KCNQ3: variants seen among roughly 807,000 people sequenced by gnomAD.
KCNQ3 encodes the protein potassium voltage-gated channel subfamily Q member 3.
In KCNQ3, 30 loss-of-function variants were observed where a neutral mutation model predicts 92.5. That is an observed-to-expected ratio of 0.32 (90% CI 0.24 to 0.44). The LOEUF is 0.44. Among genes scored for constraint, KCNQ3 ranks in the 20% least tolerant of loss-of-function variants. The pLI is 1.00. For missense variants in KCNQ3, 913 were observed against 1,140.3 expected, an observed-to-expected ratio of 0.80 and a Z score of 2.87; for synonymous variants, 450 against 468.8, an observed-to-expected ratio of 0.96 and a Z score of 0.52.
intron 8 of KCNQ3, among the ~76,000 whole-genome samples, chr8:132,167,672 A>G (rs1826180314): frequency 6.6e-6 from 1 of 152,216 alleles, no homozygotes; most frequent in African/African-American, 2.4e-5. Context: ...TCGTCCTTGA[A>G]AAAAGAAAGA....
intron 1 of KCNQ3, among the ~76,000 whole-genome samples, chr8:132,423,833 T>G (rs1325377212): frequency 6.6e-6 from 1 of 152,100 alleles, no homozygotes; most frequent in Middle Eastern, 3.2e-3. Context: ...CCATACAGTA[T>G]GGAGACCCCA....
intron 1 of KCNQ3, among the ~76,000 whole-genome samples, chr8:132,471,918 A>G (rs894238517): frequency 1.1e-4 from 17 of 152,322 alleles, no homozygotes; most frequent in African/African-American, 3.8e-4. Flanking sequence ...AGCAGTTAAA[A>G]AACAAATAAT....
At chr8:132,377,380 C>T (rs749270144) in intron 1 of KCNQ3, among the ~76,000 whole-genome samples, 2 of 152,160 alleles carry the variant, frequency 1.3e-5, no homozygotes, top group Non-Finnish European at 2.9e-5. Context: ...TGAGCCAATC[C>T]CTCATAATAA....
chr8:132,419,601 G>T (rs1026057207), intron 1 of KCNQ3, among the ~76,000 whole-genome samples: 2 of 152,158 alleles, frequency 1.3e-5, no homozygotes, highest in African/African-American at 2.4e-5. Context: ...CACTGAAGCT[G>T]CCTGTGCCCT....
At chr8:132,221,797 C>G (rs1416297603) in intron 1 of KCNQ3, among the ~76,000 whole-genome samples, 1 of 152,058 alleles carries the variant, frequency 6.6e-6, no homozygotes, top group African/African-American at 2.4e-5. Flanking sequence ...ACAAACCTGA[C>G]AAAAACAAGA....
intron 1 of KCNQ3, among the ~76,000 whole-genome samples, chr8:132,406,536 C>T (rs1175113530): frequency 8.9e-6 from 1 of 112,946 alleles, no homozygotes; most frequent in Admixed American, 7.9e-5. Context: ...CACACACAGA[C>T]ACACACACAG....
chr8:132,144,087 A>T (rs1037801600), intron 9 of KCNQ3, among the ~76,000 whole-genome samples: 2 of 152,156 alleles, frequency 1.3e-5, no homozygotes, highest in Non-Finnish European at 1.5e-5. Flanking sequence ...CTGTGCTGGG[A>T]TTTAGGATTT....
chr8:132,443,286 G>A (rs1821586378), intron 1 of KCNQ3, among the ~76,000 whole-genome samples: 1 of 151,944 alleles, frequency 6.6e-6, no homozygotes, highest in Non-Finnish European at 1.5e-5. Flanking sequence ...TAGAGCCGGT[G>A]GCCCAGGAGT....
At chr8:132,207,921 TAAAAAAAAAA>T (rs762571946) in intron 1 of KCNQ3, among the ~76,000 whole-genome samples, 7 of 103,912 alleles carry the variant, frequency 6.7e-5, no homozygotes, top group Non-Finnish European at 1.5e-4. Context: ...TGAGAGAGAT[TAAAAAAAAAA>T]AAAAAAAAAA....
chr8:132,409,934 T>C (rs1464580111), intron 1 of KCNQ3, among the ~76,000 whole-genome samples: 1 of 152,230 alleles, frequency 6.6e-6, no homozygotes, highest in African/African-American at 2.4e-5. Flanking sequence ...GCATTACTCA[T>C]ACACTGAATT....
intron 1 of KCNQ3, among the ~76,000 whole-genome samples, chr8:132,292,134 C>G (rs187113432): frequency 3.3e-4 from 50 of 152,230 alleles, no homozygotes; most frequent in African/African-American, 1.2e-3. Context: ...GTGATACATG[C>G]TAAAATAATC....
intron 1 of KCNQ3, among the ~76,000 whole-genome samples, chr8:132,307,863 T>G (rs1362338304): frequency 6.6e-6 from 1 of 152,224 alleles, no homozygotes; most frequent in East Asian, 1.9e-4. Context: ...AAAGGTTATA[T>G]GAGTCGGGGA....
chr8:132,356,316 G>A (rs773791676), intron 1 of KCNQ3, among the ~76,000 whole-genome samples: 1 of 152,206 alleles, frequency 6.6e-6, no homozygotes, highest in Non-Finnish European at 1.5e-5. Context: ...ACTGGGGCAG[G>A]ACAGCAGGGA....
chr8:132,418,822 A>G (rs1820889756), intron 1 of KCNQ3, among the ~76,000 whole-genome samples: 2 of 152,198 alleles, frequency 1.3e-5, no homozygotes, highest in Middle Eastern at 3.2e-3. Flanking sequence ...ACATAAAAAT[A>G]AAAAGTAGAT....
At chr8:132,186,257 T>G in intron 1 of KCNQ3, 76 bp from the exon 2 acceptor site, 1 of 1,032,694 alleles carries the variant, frequency 9.7e-7, no homozygotes. Context: ...GGGAAAGGTG[T>G]CTTCCAGGAT....
intron 1 of KCNQ3, among the ~76,000 whole-genome samples, chr8:132,382,699 C>T (rs1819785610): frequency 6.6e-6 from 1 of 152,128 alleles, no homozygotes; most frequent in Non-Finnish European, 1.5e-5. Flanking sequence ...CCTTTAGCCT[C>T]AAGAGAGTCA....
chr8:132,348,649 T>C lies in KCNQ3; in HGVS notation c.386+131498A>G, dbSNP rs532062383. Among the ~76,000 whole-genome samples, 56 of 152,346 alleles carry C rather than the reference T, an allele frequency of 3.7e-4. 1 individual carries two copies. The East Asian group carries it at 4.1e-3, about 11-fold the overall frequency. ...TACCATATTCCACAGGTGCAGAGGC[T>C]GGCGGATCCACCTTCTCTCCTCTTC... On this transcript the variant is annotated intron_variant, in intron 1 of 14. Transcript: ENST00000388996.
At chr8:132,351,444 A>G (rs900909078) in intron 1 of KCNQ3, among the ~76,000 whole-genome samples, 1 of 152,192 alleles carries the variant, frequency 6.6e-6, no homozygotes, top group African/African-American at 2.4e-5. Context: ...TCTAATTTCT[A>G]CGAAAGTCAA....
At chr8:132,132,093 A>C (rs889741402) in intron 14 of KCNQ3, 87 bp downstream of exon 14, 1 of 994,576 alleles carries the variant, frequency 1.0e-6, no homozygotes, top group South Asian at 1.4e-5. Context: ...GTCTTAAAAA[A>C]AAAAAAGAAA....
Sources: gnomAD v4.1 joint callset for allele counts (sites outside exome capture counted in the v4.1 genomes callset) on GRCh38, gnomAD v4.1.1 for gene constraint, MANE v1.5 for transcripts, NCBI Gene and HGNC (gene_info 2026-07-23, HGNC 2026-07-21) for gene names.